GRIK1: variants seen among roughly 807,000 people sequenced by gnomAD.
GRIK1 encodes the protein glutamate receptor ionotropic, kainate 1.
GRIK1 carries 69 observed loss-of-function variants against 105.7 expected under a neutral mutation model. The observed-to-expected ratio is 0.65, with a 90% confidence interval of 0.54 to 0.80. The LOEUF (loss-of-function observed/expected upper bound fraction) is 0.80. Among genes scored for constraint, GRIK1 ranks in the 30% least tolerant of loss-of-function variants. The probability of loss-of-function intolerance (pLI) is 0.00; values close to 1 mark genes in which losing one functional copy is unlikely to be tolerated. For missense variants in GRIK1, 1,109 were observed against 1,167.3 expected, an observed-to-expected ratio of 0.95 and a Z score of 0.73; for synonymous variants, 438 against 431.3, an observed-to-expected ratio of 1.02 and a Z score of -0.19.
Position 29,878,980 on chromosome 21 carries a change from C to T in GRIK1, c.118+60403G>A, listed in dbSNP as rs935264882. Among the ~76,000 whole-genome samples, 20 of 152,106 alleles carry T rather than the reference C, an allele frequency of 1.3e-4. No homozygotes were observed. The East Asian group carries it at 3.7e-3, about 28-fold the overall frequency. On this transcript the variant is annotated intron_variant, in intron 1 of 17. Coordinates refer to ENST00000327783, the MANE Select transcript of GRIK1 (RefSeq NM_001330994.2). ...GAGAAATACATTTCTATTGTTTGTA[C>T]GTCACTCGTTTTATGGTCCTTTGTC...
chr21:29,780,194 A>T (rs1361942131), intron 1 of GRIK1, among the ~76,000 whole-genome samples: 1 of 152,222 alleles, frequency 6.6e-6, no homozygotes, highest in Admixed American at 6.5e-5. Flanking sequence ...TGAAATTAGT[A>T]AGTGTTAGTT....
At chr21:29,734,271 G>A (rs1428906431) in intron 1 of GRIK1, among the ~76,000 whole-genome samples, 5 of 152,114 alleles carry the variant, frequency 3.3e-5, no homozygotes, top group Admixed American at 6.6e-5. Flanking sequence ...CTTCTGGCTC[G>A]CACTTTGGCC....
At chr21:29,640,450 G>A (rs1180109811) in intron 7 of GRIK1, among the ~76,000 whole-genome samples, 1 of 152,172 alleles carries the variant, frequency 6.6e-6, no homozygotes, top group African/African-American at 2.4e-5. Context: ...AAGAGGATGA[G>A]CACAATGTTG....
At chr21:29,747,669 A>G (rs1453551632) in intron 1 of GRIK1, among the ~76,000 whole-genome samples, 1 of 152,126 alleles carries the variant, frequency 6.6e-6, no homozygotes. Flanking sequence ...TCTCTACTAA[A>G]AATACAAAAA....
intron 7 of GRIK1, among the ~76,000 whole-genome samples, chr21:29,616,583 G>A (rs2061856298): frequency 6.6e-6 from 1 of 152,118 alleles, no homozygotes; most frequent in Non-Finnish European, 1.5e-5. Flanking sequence ...ATACTTTTCA[G>A]CATTTATTTC....
intron 2 of GRIK1, 110 bp from the exon 3 acceptor site, chr21:29,690,095 C>T: frequency 1.2e-6 from 1 of 847,398 alleles, no homozygotes; most frequent in Non-Finnish European, 1.8e-6. Context: ...CTTTTTAATG[C>T]AACTATTGAA....
intron 1 of GRIK1, among the ~76,000 whole-genome samples, chr21:29,901,653 AT>A (rs2070412938): frequency 6.6e-6 from 1 of 152,220 alleles, no homozygotes; most frequent in African/African-American, 2.4e-5. Context: ...CCAATAATTA[AT>A]AGCCTACCAA....
At chr21:29,584,220 C>G (rs2091082450) in intron 12 of GRIK1, among the ~76,000 whole-genome samples, 1 of 152,126 alleles carries the variant, frequency 6.6e-6, no homozygotes, top group South Asian at 2.1e-4. Context: ...ATCCATTCAT[C>G]TTTCAAGGGA....
chr21:29,538,585 A>G (rs2089919266), intron 16 of GRIK1, among the ~76,000 whole-genome samples: 1 of 152,128 alleles, frequency 6.6e-6, no homozygotes, highest in Admixed American at 6.5e-5. Flanking sequence ...ACAATAAAAA[A>G]AAAATCCTCT....
intron 1 of GRIK1, among the ~76,000 whole-genome samples, chr21:29,903,583 T>C (rs1187504941): frequency 6.6e-6 from 1 of 152,166 alleles, no homozygotes; most frequent in East Asian, 1.9e-4. Context: ...CACAATGAGA[T>C]ACCATCTCAC....
At chr21:29,661,362 T>G (rs2062958398) in intron 4 of GRIK1, among the ~76,000 whole-genome samples, 1 of 152,180 alleles carries the variant, frequency 6.6e-6, no homozygotes, top group Non-Finnish European at 1.5e-5. Flanking sequence ...TGTGAATAAA[T>G]GAAAGATTTT....
intron 1 of GRIK1, among the ~76,000 whole-genome samples, chr21:29,786,050 C>T (rs1359113674): frequency 6.6e-6 from 1 of 152,166 alleles, no homozygotes; most frequent in African/African-American, 2.4e-5. Context: ...AGTGCAGTGG[C>T]GATCTCCGCT....
intron 14 of GRIK1, among the ~76,000 whole-genome samples, chr21:29,575,876 C>G (rs753133882): frequency 6.6e-5 from 10 of 151,758 alleles, no homozygotes; most frequent in Admixed American, 2.6e-4. Context: ...CCAAAAGAAA[C>G]AAACAAACAA....
At chr21:29,555,458 A>AT (rs541333589) in intron 15 of GRIK1, among the ~76,000 whole-genome samples, 156 bp from the exon 16 acceptor site, 46 of 152,222 alleles carry the variant, frequency 3.0e-4, no homozygotes, top group African/African-American at 1.1e-3. Flanking sequence ...TCACTCCTAT[A>AT]TTTTGAAGGC....
chr21:29,671,709 G>A (rs576653106), intron 4 of GRIK1, among the ~76,000 whole-genome samples: 2 of 152,240 alleles, frequency 1.3e-5, no homozygotes, highest in South Asian at 4.1e-4. Context: ...ACAAAGGAGT[G>A]CAATACAGCT....
chr21:29,654,051 A>G (rs533419920), intron 5 of GRIK1, among the ~76,000 whole-genome samples: 1 of 152,288 alleles, frequency 6.6e-6, no homozygotes, highest in South Asian at 2.1e-4. Context: ...ATCCAGGTCA[A>G]ATTTAGCTAA....
chr21:29,603,960 G>A (rs1283194804), intron 7 of GRIK1, among the ~76,000 whole-genome samples: 1 of 152,088 alleles, frequency 6.6e-6, no homozygotes, highest in Admixed American at 6.6e-5. Context: ...TTCCTTTATG[G>A]GGTTCATGTT....
At chr21:29,795,110 A>T (rs1047826432) in intron 1 of GRIK1, among the ~76,000 whole-genome samples, 2 of 132,276 alleles carry the variant, frequency 1.5e-5, no homozygotes, top group African/African-American at 2.9e-5. Flanking sequence ...ATCTTGGCTC[A>T]CTGCAACCTC....
Position 29,939,746 on chromosome 21 carries a change from C to T in GRIK1, c.-246G>A. On this transcript the variant is annotated 5_prime_UTR_variant, in exon 1 of 18. An upstream start codon of the reference 5' UTR is lost. Coordinates refer to ENST00000327783, the MANE Select transcript of GRIK1 (RefSeq NM_001330994.2). The stretch of plus-strand genomic sequence containing the variant: ...ATCACGGCTCCTCCTCCTCCTCTTC[C>T]ATGGGCCGCAGACCGCGGAGGATCA... 2 of 382,326 alleles carry T rather than the reference C, an allele frequency of 5.2e-6. No individual in the cohort carries two copies. The highest frequency in any genetic ancestry group is 8.4e-5 in the East Asian group (2 of 23,676). 23.7% of individuals were successfully genotyped at this position (382,326 alleles called of 1,614,324 possible).
Sources: allele counts gnomAD v4.1 joint callset (sites outside exome capture counted in the v4.1 genomes callset), GRCh38; gene constraint gnomAD v4.1.1; transcripts MANE v1.5; gene names NCBI Gene and HGNC (gene_info 2026-07-23, HGNC 2026-07-21).